NPSR1: variants seen among roughly 807,000 people sequenced by gnomAD.
NPSR1 encodes the protein neuropeptide S receptor 1, also known as neuropeptide S receptor.
A neutral mutation model predicts 46.9 loss-of-function variants in NPSR1; 48 were observed. The observed-to-expected ratio is 1.02, with a 90% confidence interval of 0.81 to 1.30. The LOEUF (loss-of-function observed/expected upper bound fraction) is 1.30. NPSR1 is among the 50% of genes most tolerant of loss of function. The probability of loss-of-function intolerance (pLI) is 0.00; values close to 1 mark genes in which losing one functional copy is unlikely to be tolerated. For missense variants in NPSR1, 450 were observed against 449.5 expected, an observed-to-expected ratio of 1.00 and a Z score of -0.01; for synonymous variants, 176 against 168.1, an observed-to-expected ratio of 1.05 and a Z score of -0.36.
At chr7:34,729,083 C>G (rs1449270071) in intron 2 of NPSR1, among the ~76,000 whole-genome samples, 3 of 152,186 alleles carry the variant, frequency 2.0e-5, no homozygotes, top group Admixed American at 2.0e-4. Flanking sequence ...AGGTTCAGCT[C>G]TGAACAAACC....
chr7:34,849,706 C>A lies in NPSR1; in HGVS notation c.*51C>A. On this transcript the variant is annotated 3_prime_UTR_variant, in exon 9 of 9. Coordinates refer to ENST00000360581, the MANE Select transcript of NPSR1 (RefSeq NM_207172.2). ...CTGAGCACCATCAGCTCTCCCAGGTCCTTGTCACCTGCTTGGGCACGTGCA... is the reference window on the plus strand; with the variant it reads ...CTGAGCACCATCAGCTCTCCCAGGTACTTGTCACCTGCTTGGGCACGTGCA... The A allele has an allele frequency of 6.2e-7, 1 of 1,601,716 alleles. No homozygotes were observed. Among genetic ancestry groups the A allele is most frequent in the South Asian group, 1.1e-5 (1 of 89,150 alleles).
chr7:34,717,868 G>A (rs1783656226), intron 2 of NPSR1, among the ~76,000 whole-genome samples: 1 of 152,208 alleles, frequency 6.6e-6, no homozygotes, highest in Non-Finnish European at 1.5e-5. Flanking sequence ...AGTGCCATCA[G>A]ACAAGTCAAA....
At chr7:34,740,555 C>A (rs753916086) in intron 2 of NPSR1, among the ~76,000 whole-genome samples, 17 of 152,114 alleles carry the variant, frequency 1.1e-4, no homozygotes, top group Non-Finnish European at 2.5e-4. Context: ...GTTAGGGGAC[C>A]CACAGAGCCC....
intron 4 of NPSR1, among the ~76,000 whole-genome samples, chr7:34,818,852 A>T (rs1584090228): frequency 6.6e-6 from 1 of 152,230 alleles, no homozygotes; most frequent in South Asian, 2.1e-4. Flanking sequence ...GTGCTGGGAA[A>T]CCTGGCTAGC....
chr7:34,735,889 A>T (rs192243023), intron 2 of NPSR1, among the ~76,000 whole-genome samples: 115 of 152,318 alleles, frequency 7.5e-4, no homozygotes, highest in African/African-American at 2.7e-3. Context: ...ACTATTGACA[A>T]TAAAATTGTA....
At chr7:34,702,925 G>A (rs1308973144) in intron 2 of NPSR1, among the ~76,000 whole-genome samples, 2 of 152,174 alleles carry the variant, frequency 1.3e-5, no homozygotes, top group African/African-American at 4.8e-5. Flanking sequence ...CCTACACTAA[G>A]TCTTATTCAA....
rs75764081 is a variant in NPSR1, at chr7:34,684,609, G to A, written c.205G>A (p.Val69Ile). ...TGTTTTTACCATTGTTGGAAACTCC[G>A]TTGTGCTTTTTTCCACATGGAGGAG... ...LFVFTIVGNSVVLFSTWRRKK... is the reference protein window; with the variant it reads ...LFVFTIVGNSIVLFSTWRRKK... The change falls in exon 2 of 9, where the codon GTT (valine) becomes ATT (isoleucine). Residue 69 changes from valine to isoleucine, a missense_variant. Physicochemically the swap from Val to Ile is conservative, Grantham distance 29 (BLOSUM62 3). Coordinates refer to ENST00000360581, the MANE Select transcript of NPSR1 (RefSeq NM_207172.2). The A allele has an allele frequency of 1.9e-5, 30 of 1,613,622 alleles. No individual in the cohort carries two copies. Among genetic ancestry groups the A allele is most frequent in the South Asian group, 5.5e-5 (5 of 91,048 alleles).
chr7:34,811,026 C>T (rs1367882446), intron 3 of NPSR1, among the ~76,000 whole-genome samples: 1 of 152,172 alleles, frequency 6.6e-6, no homozygotes, highest in Non-Finnish European at 1.5e-5. Flanking sequence ...GTGCATTGAA[C>T]TCCGGCCCCA....
At chr7:34,770,117 T>G (rs568225549) in intron 2 of NPSR1, among the ~76,000 whole-genome samples, 6 of 152,356 alleles carry the variant, frequency 3.9e-5, no homozygotes, top group Non-Finnish European at 8.8e-5. Context: ...TCTAACAGAA[T>G]AGATTATTGT....
chr7:34,796,897 C>T, intron 3 of NPSR1, among the ~76,000 whole-genome samples: 1 of 152,108 alleles, frequency 6.6e-6, no homozygotes, highest in African/African-American at 2.4e-5. Flanking sequence ...CATGTTTATT[C>T]CTATTTTCCA....
chr7:34,709,882 A>C (rs35294851), intron 2 of NPSR1, among the ~76,000 whole-genome samples: 1 of 152,352 alleles, frequency 6.6e-6, no homozygotes, highest in East Asian at 1.9e-4. Flanking sequence ...AGAAGGAGAA[A>C]CCATTATTCT....
At chr7:34,752,993 A>G (rs1785619100) in intron 2 of NPSR1, among the ~76,000 whole-genome samples, 1 of 152,222 alleles carries the variant, frequency 6.6e-6, no homozygotes, top group Non-Finnish European at 1.5e-5. Flanking sequence ...CTGAAACACT[A>G]GAATGTGAGC....
intron 3 of NPSR1, among the ~76,000 whole-genome samples, chr7:34,791,522 CA>C (rs1432438643): frequency 6.6e-6 from 1 of 150,614 alleles, no homozygotes; most frequent in South Asian, 2.1e-4. Context: ...TAGACTTATA[CA>C]AAAAAACTAT....
At chr7:34,829,037 A>G (rs1789996621) in intron 5 of NPSR1, among the ~76,000 whole-genome samples, 1 of 152,184 alleles carries the variant, frequency 6.6e-6, no homozygotes, top group Non-Finnish European at 1.5e-5. Context: ...AGCTGGTGGC[A>G]TGTTTTTCAA....
chr7:34,706,807 A>G (rs891969875), intron 2 of NPSR1, among the ~76,000 whole-genome samples: 3 of 152,152 alleles, frequency 2.0e-5, no homozygotes, highest in African/African-American at 7.2e-5. Context: ...ACTCAATGCT[A>G]GGAAATCTCT....
rs1046712822 is a variant in NPSR1 at position 34,791,520 on chromosome 7, T to C, written c.384+12955T>C. Among the ~76,000 whole-genome samples, 6 of 151,514 alleles carry C rather than the reference T, an allele frequency of 4.0e-5. No homozygotes were observed. In the South Asian group the frequency reaches 6.2e-4, roughly 16 times the overall value. ...GTTAATCAAGTAGGTGATAGACTTA[T>C]ACAAAAAAACTATAATATATTGATG... On this transcript the variant is annotated intron_variant, in intron 3 of 8. Coordinates refer to ENST00000360581, the MANE Select transcript of NPSR1 (RefSeq NM_207172.2).
At chr7:34,876,012 A>T (rs1216715512) in intron 8 of NPSR1, among the ~76,000 whole-genome samples, 1 of 152,154 alleles carries the variant, frequency 6.6e-6, no homozygotes, top group Non-Finnish European at 1.5e-5. Flanking sequence ...TCTCTCCTCA[A>T]GGAAAAGGGT....
At chr7:34,698,145 T>C (rs1216591451) in intron 2 of NPSR1, among the ~76,000 whole-genome samples, 1 of 152,194 alleles carries the variant, frequency 6.6e-6, no homozygotes, top group Non-Finnish European at 1.5e-5. Context: ...GAATCACTTG[T>C]AGCTTTATCT....
chr7:34,818,500 A>T (rs1460773738), intron 4 of NPSR1, among the ~76,000 whole-genome samples: 2 of 152,196 alleles, frequency 1.3e-5, no homozygotes, highest in African/African-American at 4.8e-5. Flanking sequence ...TGCCCAAGGT[A>T]TTTTATAGAT....
Sources: gnomAD v4.1 joint callset for allele counts (sites outside exome capture counted in the v4.1 genomes callset) on GRCh38, gnomAD v4.1.1 for gene constraint, MANE v1.5 for transcripts, NCBI Gene and HGNC (gene_info 2026-07-23, HGNC 2026-07-21) for gene names.